The following ARPP19 variants were observed in gnomAD, a reference collection of about 807,000 sequenced individuals.
ARPP19 encodes cAMP-regulated phosphoprotein 19.
A neutral mutation model predicts 12.0 loss-of-function variants in ARPP19; 8 were observed. That is an observed-to-expected ratio of 0.67 (90% confidence interval 0.39 to 1.21). ARPP19 has a LOEUF of 1.21. Ranked by LOEUF, ARPP19 falls within the 50% of genes most tolerant of loss-of-function variation. The pLI is 0.01. For missense variants in ARPP19, 102 were observed against 136.3 expected (o/e 0.75, Z 1.25); for synonymous variants, 47 against 50.4 (o/e 0.93, Z 0.29).
chr15:52,565,530 G>A (rs564566597), intron 1 of ARPP19, among the ~76,000 whole-genome samples: 2 of 152,288 alleles, frequency 1.3e-5, no homozygotes, highest in African/African-American at 2.4e-5. Flanking sequence ...GTGCTATGTG[G>A]GTTCTGCATC....
At chr15:52,566,022 T>C (rs2078078560) in intron 1 of ARPP19, among the ~76,000 whole-genome samples, 1 of 151,938 alleles carries the variant, frequency 6.6e-6, no homozygotes, top group Non-Finnish European at 1.5e-5. Context: ...ACCCGGATAA[T>C]TTTTGTATTT....
At chr15:52,568,767 C>T in intron 1 of ARPP19, 81 bp downstream of exon 1, 4 of 1,012,994 alleles carry the variant, frequency 3.9e-6, no homozygotes, top group South Asian at 1.8e-5. Flanking sequence ...ATCTCGGGCG[C>T]GGCCCTCCGC....
intron 1 of ARPP19, among the ~76,000 whole-genome samples, chr15:52,565,575 C>T (rs1333544388): frequency 6.6e-6 from 1 of 152,150 alleles, no homozygotes; most frequent in Non-Finnish European, 1.5e-5. Context: ...GCAGGTTACT[C>T]CAACTGTCCA....
intron 1 of ARPP19, among the ~76,000 whole-genome samples, chr15:52,558,835 C>T (rs1466845052): frequency 1.3e-5 from 2 of 150,508 alleles, no homozygotes; most frequent in African/African-American, 2.5e-5. Context: ...TTTGTACCCA[C>T]GGGGGGGAAA....
Position 52,552,076 on chromosome 15 carries a change from T to C in ARPP19, c.197A>G (p.Asn66Ser). 1 of 1,613,562 alleles carries C rather than the reference T, an allele frequency of 6.2e-7. No homozygotes were observed. Among genetic ancestry groups the C allele is most frequent in the Non-Finnish European group, 8.5e-7 (1 of 1,179,454 alleles). ...GQKYFDSGDYNMAKAKMKNKQ... is the reference protein window; with the variant it reads ...GQKYFDSGDYSMAKAKMKNKQ... Reference sequence around the variant, plus strand: ...GTTCTTCATTTTTGCTTTAGCCATGTTGTAATCCCCAGAATCAAAATATTT... The same window carrying C: ...GTTCTTCATTTTTGCTTTAGCCATGCTGTAATCCCCAGAATCAAAATATTT... Residue 66 changes from asparagine (N) to serine (S), a missense_variant, in exon 3 of 3, where the codon AAC becomes AGC. Transcript: ENST00000249822.
chr15:52,559,807 G>A (rs2078015544), intron 1 of ARPP19, among the ~76,000 whole-genome samples: 1 of 152,184 alleles, frequency 6.6e-6, no homozygotes. Flanking sequence ...GTTTAGAAGT[G>A]GATGTGGGAG....
intron 1 of ARPP19, among the ~76,000 whole-genome samples, chr15:52,560,172 A>C (rs1381299403): frequency 6.7e-6 from 1 of 150,350 alleles, no homozygotes; most frequent in Non-Finnish European, 1.5e-5. Context: ...GCATTCCCTT[A>C]TTTTCTTTTT....
chr15:52,564,743 A>G (rs1566898653), intron 1 of ARPP19, among the ~76,000 whole-genome samples: 1 of 152,122 alleles, frequency 6.6e-6, no homozygotes, highest in Non-Finnish European at 1.5e-5. Flanking sequence ...AATTAAGGCC[A>G]CAACACAAAC....
In ARPP19 at chr15:52,549,391, C is replaced by G. The variant is rs1450462946; in HGVS notation, c.*2543G>C. 1 of 152,484 alleles carries G rather than the reference C, an allele frequency of 6.6e-6. No homozygotes were observed. Among genetic ancestry groups the G allele is most frequent in the Non-Finnish European group, 1.5e-5 (1 of 68,012 alleles). 9.4% of individuals were successfully genotyped at this position (152,484 alleles called of 1,614,324 possible). ...AAACAAAAATCTAAAACCTCTCTATCCCAAGCACCAATAATGGAGGCTAAG... is the reference window on the plus strand; with the variant it reads ...AAACAAAAATCTAAAACCTCTCTATGCCAAGCACCAATAATGGAGGCTAAG... On this transcript the variant is annotated 3_prime_UTR_variant, in exon 3 of 3. Transcript: ENST00000249822.
chr15:52,552,881 A>G (rs887869819), intron 2 of ARPP19, among the ~76,000 whole-genome samples: 3 of 152,212 alleles, frequency 2.0e-5, no homozygotes, highest in Non-Finnish European at 4.4e-5. Flanking sequence ...GTTTGAAACC[A>G]GAACGGCCAA....
At position 52,547,632 on chromosome 15, in the gene ARPP19, T is replaced by C. The variant is rs1170633197; in HGVS notation, c.*4302A>G. On this transcript the variant is annotated 3_prime_UTR_variant, in exon 3 of 3. Coordinates refer to ENST00000249822, the MANE Select transcript of ARPP19 (RefSeq NM_006628.6). ...CGTATTAAAGTCAGTGTTTTTATTC[T>C]TAGATTAACAATGACAGAGTGAGAT... 6.6e-6 allele frequency: 1 copy of C among 152,228 alleles called. No individual in the cohort carries two copies. The highest frequency in any genetic ancestry group is 2.4e-5 in the African/African-American group (1 of 41,448). The allele number at this position is 152,228 out of a possible 1,614,324, so 9.4% of individuals were successfully genotyped here. A position where few individuals can be genotyped will look rare whatever the true frequency, so the allele number is the denominator to read the frequency against.
intron 2 of ARPP19, among the ~76,000 whole-genome samples, chr15:52,555,243 G>T (rs1038164364): frequency 3.9e-5 from 6 of 151,960 alleles, no homozygotes; most frequent in Non-Finnish European, 7.4e-5. Context: ...CTGACTTGAA[G>T]ATACTTAAAA....
At position 52,549,212 on chromosome 15, in the gene ARPP19, G is replaced by C. The variant is rs1230149686; in HGVS notation, c.*2722C>G. 6.6e-6 allele frequency: 1 copy of C among 152,132 alleles called. No individual in the cohort carries two copies. The highest frequency in any genetic ancestry group is 6.6e-5 in the Admixed American group (1 of 15,266). 9.4% of individuals were successfully genotyped at this position (152,132 alleles called of 1,614,324 possible). On this transcript the variant is annotated 3_prime_UTR_variant, in exon 3 of 3. Coordinates refer to ENST00000249822, the MANE Select transcript of ARPP19 (RefSeq NM_006628.6). ...TTTATTCCAACATTAATTTATGATA[G>C]GACAGTTATTAAAATTAACCATTTC...
chr15:52,553,002 G>A (rs985205652), intron 2 of ARPP19, among the ~76,000 whole-genome samples: 2 of 152,066 alleles, frequency 1.3e-5, no homozygotes, highest in Non-Finnish European at 1.5e-5. Context: ...GCTTGAACCC[G>A]GGGTGTGGAG....
intron 1 of ARPP19, among the ~76,000 whole-genome samples, chr15:52,567,620 A>AT (rs550763422): frequency 4.3e-4 from 66 of 152,294 alleles, no homozygotes; most frequent in African/African-American, 1.5e-3. Context: ...CCCAAAATCC[A>AT]TTTTTTTGGT....
At chr15:52,568,020 C>G (rs181551004) in intron 1 of ARPP19, among the ~76,000 whole-genome samples, 41 of 152,288 alleles carry the variant, frequency 2.7e-4, no homozygotes, top group Admixed American at 1.0e-3. Flanking sequence ...GAAATAATTA[C>G]AGTGGGAGAG....
Position 52,547,889 on chromosome 15 carries a change from A to G in ARPP19, c.*4045T>C, listed in dbSNP as rs936148560. On this transcript the variant is annotated 3_prime_UTR_variant, in exon 3 of 3. Coordinates refer to ENST00000249822, the MANE Select transcript of ARPP19 (RefSeq NM_006628.6). ...AAATACAATTTAATGAGTGCCATCAATGGGCTTAAGAAATAAGCAGGGATG... is the reference window on the plus strand; with the variant it reads ...AAATACAATTTAATGAGTGCCATCAGTGGGCTTAAGAAATAAGCAGGGATG... 1 of 152,262 alleles carries G rather than the reference A, an allele frequency of 6.6e-6. No homozygotes were observed. Among genetic ancestry groups the G allele is most frequent in the Non-Finnish European group, 1.5e-5 (1 of 68,046 alleles). The allele number at this position is 152,262 out of a possible 1,614,324, so 9.4% of individuals were successfully genotyped here. A position where few individuals can be genotyped will look rare whatever the true frequency, so the allele number is the denominator to read the frequency against.
chr15:52,558,784 TAAAAAA>T (rs201468639), intron 1 of ARPP19, among the ~76,000 whole-genome samples: 1 of 135,066 alleles, frequency 7.4e-6, no homozygotes, highest in Non-Finnish European at 1.6e-5. Context: ...ATTCATACAT[TAAAAAA>T]AAAAAAAAAA....
chr15:52,563,303 A>G (rs1431617522), intron 1 of ARPP19, among the ~76,000 whole-genome samples: 1 of 152,218 alleles, frequency 6.6e-6, no homozygotes, highest in African/African-American at 2.4e-5. Context: ...AGTAGCTTCT[A>G]AATTGATAAT....
Sources: gnomAD v4.1 joint callset for allele counts (sites outside exome capture counted in the v4.1 genomes callset) on GRCh38, gnomAD v4.1.1 for gene constraint, MANE v1.5 for transcripts, NCBI Gene and HGNC (gene_info 2026-07-23, HGNC 2026-07-21) for gene names.